The following PDLIM5 variants were observed in gnomAD, a reference collection of about 807,000 sequenced individuals.
PDLIM5 encodes PDZ and LIM domain 5.
Under a neutral mutation model 64.2 loss-of-function variants are expected in PDLIM5, and 34 were observed. The ratio of observed to expected loss-of-function variants is 0.53; its 90% CI spans 0.40 to 0.71. PDLIM5 has a LOEUF of 0.71. Among genes scored for constraint, PDLIM5 ranks in the 30% least tolerant of loss-of-function variants. PDLIM5 has a pLI of 0.00. For missense variants in PDLIM5, 683 were observed against 733.6 expected (o/e 0.93, Z 0.80); for synonymous variants, 253 against 269.1 (o/e 0.94, Z 0.59).
chr4:94,658,018 C>T (rs1414757745), intron 11 of PDLIM5, among the ~76,000 whole-genome samples: 1 of 152,178 alleles, frequency 6.6e-6, no homozygotes, highest in Non-Finnish European at 1.5e-5. Context: ...TTTAATGTGA[C>T]TTTGTCAAAA....
intron 3 of PDLIM5, among the ~76,000 whole-genome samples, chr4:94,533,095 A>G (rs1282398270): frequency 6.6e-6 from 1 of 152,232 alleles, no homozygotes; most frequent in Non-Finnish European, 1.5e-5. Flanking sequence ...ATCAGCAGAC[A>G]TAGAAAATAA....
chr4:94,592,940 T>C (rs1048174928), intron 7 of PDLIM5, among the ~76,000 whole-genome samples: 9 of 152,132 alleles, frequency 5.9e-5, no homozygotes, highest in African/African-American at 1.9e-4. Context: ...CCCACAATCA[T>C]ACATTCTCAC....
chr4:94,562,563 A>T (rs547844329), intron 3 of PDLIM5, among the ~76,000 whole-genome samples: 1 of 152,334 alleles, frequency 6.6e-6, no homozygotes, highest in African/African-American at 2.4e-5. Context: ...GAACTTTTGT[A>T]GCAATTTCAC....
chr4:94,572,157 T>G (rs1274583723), intron 3 of PDLIM5, among the ~76,000 whole-genome samples: 1 of 152,162 alleles, frequency 6.6e-6, no homozygotes, highest in Non-Finnish European at 1.5e-5. Flanking sequence ...GCTCATGGTT[T>G]ATAGCTTAAA....
At chr4:94,479,117 C>T (rs548804717) in intron 2 of PDLIM5, among the ~76,000 whole-genome samples, 1 of 150,366 alleles carries the variant, frequency 6.7e-6, no homozygotes, top group Non-Finnish European at 1.5e-5. Flanking sequence ...CCAGGCTGGC[C>T]TCAAACTCCT....
At chr4:94,572,470 A>G (rs962752026) in intron 3 of PDLIM5, among the ~76,000 whole-genome samples, 1 of 152,200 alleles carries the variant, frequency 6.6e-6, no homozygotes, top group Non-Finnish European at 1.5e-5. Flanking sequence ...TAGGATAACC[A>G]TAGGTTTTAC....
intron 3 of PDLIM5, among the ~76,000 whole-genome samples, chr4:94,552,011 A>G (rs2452578): frequency 0.25 from 38,772 of 152,080 alleles, 5,484 homozygotes; most frequent in East Asian, 0.41. Context: ...ACTTAAACTA[A>G]GGTAAGATTT....
chr4:94,452,412 G>T (rs989549309), intron 1 of PDLIM5, among the ~76,000 whole-genome samples: 2 of 152,210 alleles, frequency 1.3e-5, no homozygotes, highest in Non-Finnish European at 2.9e-5. Flanking sequence ...GCCCAGTCCT[G>T]CGCCAGTCTC....
rs544682971 is a variant in PDLIM5, at chr4:94,538,035, T to C, written c.248+14160T>C. On this transcript the variant is annotated intron_variant, in intron 3 of 12. Coordinates refer to ENST00000317968, the MANE Select transcript of PDLIM5 (RefSeq NM_006457.5). ...AGACATTTGTTTGATATTCCAGTCATTTCAAATGCCGTGGAAACTTCTAGC... is the reference window on the plus strand; with the variant it reads ...AGACATTTGTTTGATATTCCAGTCACTTCAAATGCCGTGGAAACTTCTAGC... 5.9e-5 allele frequency among the ~76,000 whole-genome samples: 9 copies of C among 152,316 alleles called. No homozygotes were observed. In the South Asian group the frequency reaches 8.3e-4, roughly 14 times the overall value.
intron 5 of PDLIM5, chr4:94,585,060 G>C: frequency 1.1e-6 from 1 of 893,196 alleles, no homozygotes; most frequent in Non-Finnish European, 1.8e-6. Flanking sequence ...CATTATAAGT[G>C]CAGTTTTTTA....
At chr4:94,482,900 A>T (rs1725997554) in intron 2 of PDLIM5, among the ~76,000 whole-genome samples, 1 of 152,188 alleles carries the variant, frequency 6.6e-6, no homozygotes, top group African/African-American at 2.4e-5. Flanking sequence ...AAAATAAAAT[A>T]AAATAAATAC....
intron 3 of PDLIM5, among the ~76,000 whole-genome samples, chr4:94,535,805 G>C (rs954655816): frequency 6.0e-5 from 9 of 151,048 alleles, no homozygotes; most frequent in African/African-American, 2.2e-4. Flanking sequence ...ACAGTGCTGG[G>C]CACTGGCTTC....
At position 94,494,757 on chromosome 4, in the gene PDLIM5, G is replaced by A. The variant is rs575897350; in HGVS notation, c.97-28967G>A. ...GCCTGACCACAGTTTTTTTGCTATC[G>A]TTGTTTTTTGTGACAGAGTCTTGCC... On this transcript the variant is annotated intron_variant, in intron 2 of 12. Coordinates refer to ENST00000317968, the MANE Select transcript of PDLIM5 (RefSeq NM_006457.5). Among the ~76,000 whole-genome samples, 21 of 149,322 alleles carry A rather than the reference G, an allele frequency of 1.4e-4. No homozygotes were observed. In the South Asian group the frequency reaches 3.0e-3, roughly 21 times the overall value.
intron 9 of PDLIM5, among the ~76,000 whole-genome samples, chr4:94,650,027 G>A (rs910316881): frequency 3.3e-5 from 5 of 152,180 alleles, no homozygotes; most frequent in Admixed American, 6.5e-5. Context: ...GACATTCAGC[G>A]AAAGAATTAC....
chr4:94,579,355 C>T, intron 5 of PDLIM5: 1 of 391,238 alleles, frequency 2.6e-6, no homozygotes, highest in Non-Finnish European at 4.7e-6. Context: ...TATAATGTGC[C>T]ACTGCTTTCA....
At chr4:94,519,303 A>T (rs955941501) in intron 2 of PDLIM5, among the ~76,000 whole-genome samples, 3 of 152,178 alleles carry the variant, frequency 2.0e-5, no homozygotes, top group Non-Finnish European at 4.4e-5. Context: ...GTAAGAATAA[A>T]CAATAATATT....
chr4:94,472,261 A>C (rs1182706925), intron 2 of PDLIM5, among the ~76,000 whole-genome samples: 2 of 152,104 alleles, frequency 1.3e-5, no homozygotes, highest in African/African-American at 2.4e-5. Flanking sequence ...TTGTTGAATG[A>C]GTGGTCCATT....
intron 2 of PDLIM5, among the ~76,000 whole-genome samples, chr4:94,491,261 G>A (rs1231890749): frequency 2.0e-5 from 3 of 152,108 alleles, no homozygotes; most frequent in Non-Finnish European, 4.4e-5. Context: ...CTTCTTCTAA[G>A]CTTTTGAGGT....
intron 2 of PDLIM5, among the ~76,000 whole-genome samples, chr4:94,463,405 A>G (rs542009398): frequency 6.6e-6 from 1 of 152,366 alleles, no homozygotes; most frequent in South Asian, 2.1e-4. Flanking sequence ...ATGTTATAAT[A>G]TTAAATACTG....
Sources: gnomAD v4.1 joint callset for allele counts (sites outside exome capture counted in the v4.1 genomes callset) on GRCh38, gnomAD v4.1.1 for gene constraint, MANE v1.5 for transcripts, NCBI Gene and HGNC (gene_info 2026-07-23, HGNC 2026-07-21) for gene names.